The following POU2F3 variants were observed in gnomAD, a reference collection of about 807,000 sequenced individuals.
POU2F3 encodes the protein POU domain, class 2, transcription factor 3.
In POU2F3, 23 loss-of-function variants were observed where a neutral mutation model predicts 59.2. That is an observed-to-expected ratio of 0.39 (90% CI 0.28 to 0.55). The LOEUF (loss-of-function observed/expected upper bound fraction) is 0.55. Ranked by LOEUF, POU2F3 falls within the 20% of genes least tolerant of loss-of-function variation. The probability of loss-of-function intolerance (pLI) is 0.66; values close to 1 mark genes in which losing one functional copy is unlikely to be tolerated. For missense variants in POU2F3, 473 were observed against 544.5 expected (o/e 0.87, Z 1.31); for synonymous variants, 190 against 214.6 (o/e 0.89, Z 1.00).
At chr11:120,236,863 C>G (rs1027302387), upstream of POU2F3, among the ~76,000 whole-genome samples, 1 of 152,184 alleles carries the variant, frequency 6.6e-6, no homozygotes, top group Non-Finnish European at 1.5e-5. Flanking sequence ...AGCCTCAGGG[C>G]ACATGAGGGA....
chr11:120,249,600 C>T lies in POU2F3; in HGVS notation c.97+3083C>T, dbSNP rs116665770. Reference sequence around the variant, plus strand: ...TAGCCTTACCCATATTTCAAAAGCCCCCAGGTCTGTAACTGACAACCCCCA... The same window carrying T: ...TAGCCTTACCCATATTTCAAAAGCCTCCAGGTCTGTAACTGACAACCCCCA... On this transcript the variant is annotated intron_variant, in intron 2 of 12. Transcript: ENST00000543440. Among the ~76,000 whole-genome samples the T allele has an allele frequency of 1.0e-2, 1,516 of 152,264 alleles. 33 individuals carry two copies. The highest frequency in any genetic ancestry group is 0.034 in the African/African-American group (1,429 of 41,542).
At chr11:120,306,217 C>T (rs1043914889) in intron 8 of POU2F3, among the ~76,000 whole-genome samples, 1 of 152,150 alleles carries the variant, frequency 6.6e-6, no homozygotes, top group African/African-American at 2.4e-5. Context: ...CAGGGTCTTT[C>T]CCTGGGTAGT....
At chr11:120,236,834 A>C, upstream of POU2F3, 3 of 901,026 alleles carry the variant, frequency 3.3e-6, no homozygotes, top group South Asian at 4.6e-5. Flanking sequence ...TGGGACTTAG[A>C]GGGCACCCCA....
chr11:120,241,909 T>C (rs532827242), intron 1 of POU2F3, among the ~76,000 whole-genome samples: 1 of 152,210 alleles, frequency 6.6e-6, no homozygotes, highest in South Asian at 2.1e-4. Context: ...GCATAGGGCT[T>C]GGCCTCTATG....
chr11:120,263,074 C>T (rs529704641), intron 2 of POU2F3, among the ~76,000 whole-genome samples: 2 of 152,182 alleles, frequency 1.3e-5, no homozygotes, highest in East Asian at 3.9e-4. Context: ...TCACTGCAAA[C>T]TCTGCCTCCT....
intron 3 of POU2F3, among the ~76,000 whole-genome samples, chr11:120,278,743 C>T (rs1012401261): frequency 6.6e-6 from 1 of 152,050 alleles, no homozygotes; most frequent in African/African-American, 2.4e-5. Flanking sequence ...AATAACTCTC[C>T]ATGGACACAA....
chr11:120,302,345 A>G lies in POU2F3; in HGVS notation c.421A>G (p.Thr141Ala), dbSNP rs571140434. ...QQQSGLLLPQ[T>A]GPGLASQAFG... ...ACAAAGCGGTCTCCTCCTCCCACAG[A>G]CTGGGCCGGGACTGGCATCCCAGGT... Residue 141 changes from threonine (T) to alanine (A), a missense_variant, in exon 6 of 13, where the codon ACT becomes GCT. Coordinates refer to ENST00000543440, the MANE Select transcript of POU2F3 (RefSeq NM_014352.4). 4.6e-5 allele frequency: 74 copies of G among 1,611,884 alleles called. No homozygotes were observed. The highest frequency in any genetic ancestry group is 6.7e-5 in the Admixed American group (4 of 60,006).
At chr11:120,299,265 G>C (rs1941277449) in intron 4 of POU2F3, among the ~76,000 whole-genome samples, 1 of 152,222 alleles carries the variant, frequency 6.6e-6, no homozygotes, top group Non-Finnish European at 1.5e-5. Context: ...GTTGGGGATT[G>C]CATGTTATCT....
intron 11 of POU2F3, 177 bp from the exon 12 acceptor site, chr11:120,317,050 TGG>T (rs1220252475): frequency 3.0e-6 from 2 of 676,988 alleles, no homozygotes; most frequent in African/African-American, 3.6e-5. Flanking sequence ...ACAGCCCCTC[TGG>T]GTGTGGGCAG....
chr11:120,242,506 G>T (rs1186574174), intron 1 of POU2F3, among the ~76,000 whole-genome samples: 1 of 152,154 alleles, frequency 6.6e-6, no homozygotes, highest in African/African-American at 2.4e-5. Flanking sequence ...GTATCCTACT[G>T]ATCTTGATAA....
intron 10 of POU2F3, among the ~76,000 whole-genome samples, chr11:120,310,251 G>A (rs1367086835): frequency 6.6e-6 from 1 of 152,200 alleles, no homozygotes; most frequent in African/African-American, 2.4e-5. Context: ...AGACTTTGAT[G>A]GTGGAGTAGC....
intron 3 of POU2F3, among the ~76,000 whole-genome samples, chr11:120,278,206 G>A (rs1940414247): frequency 6.6e-6 from 1 of 152,230 alleles, no homozygotes; most frequent in Admixed American, 6.5e-5. Flanking sequence ...CAGATGTCCG[G>A]TGGGGCACTT....
intron 4 of POU2F3, among the ~76,000 whole-genome samples, 170 bp from the exon 5 acceptor site, chr11:120,299,454 C>T (rs1300223216): frequency 7.9e-5 from 12 of 152,156 alleles, no homozygotes; most frequent in Admixed American, 5.9e-4. Context: ...CCAGTGTTAA[C>T]GGAGTAGCTA....
intron 3 of POU2F3, among the ~76,000 whole-genome samples, chr11:120,295,748 T>A (rs1941176482): frequency 6.6e-6 from 1 of 152,160 alleles, no homozygotes; most frequent in South Asian, 2.1e-4. Context: ...AGCAAAGAAG[T>A]GGGGCTCTTG....
chr11:120,312,653 C>T (rs57912743), intron 10 of POU2F3, among the ~76,000 whole-genome samples: 2,050 of 152,254 alleles, frequency 0.013, 48 homozygotes, highest in African/African-American at 0.046. Context: ...CACTGAGCAC[C>T]TGCTATATGT....
Position 120,315,425 on chromosome 11 carries a change from C to A in POU2F3, c.1133C>A (p.Thr378Lys). ...VPPVHSTMPGTVTSSCSPGNN... is the reference protein window; with the variant it reads ...VPPVHSTMPGKVTSSCSPGNN... ...CCTGTCCACAGTACCATGCCTGGAACAGGTGAGCTTTAAAATGAGATTTCT... is the reference window on the plus strand; with the variant it reads ...CCTGTCCACAGTACCATGCCTGGAAAAGGTGAGCTTTAAAATGAGATTTCT... Residue 378 changes from threonine (T) to lysine (K), a missense_variant and splice_region_variant, in exon 11 of 13, where the codon ACA becomes AAA. Coordinates refer to ENST00000543440, the MANE Select transcript of POU2F3 (RefSeq NM_014352.4). The A allele has an allele frequency of 6.2e-7, 1 of 1,612,076 alleles. No individual in the cohort carries two copies. Among genetic ancestry groups the A allele is most frequent in the Non-Finnish European group, 8.5e-7 (1 of 1,178,184 alleles).
At chr11:120,303,210 A>G (rs114035566) in intron 6 of POU2F3, 16,972 of 152,228 alleles carry the variant, frequency 0.11, 1,211 homozygotes, top group African/African-American at 0.18. Flanking sequence ...CTCGCCATCT[A>G]GTGGTTGAAA....
chr11:120,243,185 G>A (rs1422843475), intron 1 of POU2F3, among the ~76,000 whole-genome samples: 3 of 152,174 alleles, frequency 2.0e-5, no homozygotes. Context: ...TGGGGCCGGT[G>A]GGTCCTTTGA....
Position 120,307,613 on chromosome 11 carries a change from G to A in POU2F3, c.904G>A (p.Asp302Asn), listed in dbSNP as rs1316198421. Residue 302 changes from aspartate (D) to asparagine (N), a missense_variant and splice_region_variant, in exon 9 of 13, where the codon GAT (aspartate) becomes AAT (asparagine). Physicochemically the swap from Asp to Asn is conservative, Grantham distance 23. Coordinates refer to ENST00000543440, the MANE Select transcript of POU2F3 (RefSeq NM_014352.4). ...CCTGACTCTGGAGAAGAGGTTTCAAGATGTGAGCAGCACCTTCGGGTGGGC... is the reference window on the plus strand; with the variant it reads ...CCTGACTCTGGAGAAGAGGTTTCAAAATGTGAGCAGCACCTTCGGGTGGGC... Reference protein sequence around the residue: ...IRLTLEKRFQDNPKPSSEEIS... With the variant: ...IRLTLEKRFQNNPKPSSEEIS... 1.2e-6 allele frequency: 2 copies of A among 1,613,724 alleles called. No homozygotes were observed. Among genetic ancestry groups the A allele is most frequent in the African/African-American group, 1.3e-5 (1 of 75,060 alleles).
Sources: allele counts gnomAD v4.1 joint callset (sites outside exome capture counted in the v4.1 genomes callset), GRCh38; gene constraint gnomAD v4.1.1; transcripts MANE v1.5; gene names NCBI Gene and HGNC (gene_info 2026-07-23, HGNC 2026-07-21).